Variants in NDC1 observed in about 807,000 individuals in gnomAD.
NDC1 encodes nucleoporin NDC1.
Under a neutral mutation model 89.8 loss-of-function variants are expected in NDC1, and 24 were observed. That is an observed-to-expected ratio of 0.27 (90% confidence interval 0.19 to 0.38). NDC1 has a LOEUF of 0.38. Ranked by LOEUF, NDC1 falls within the 10% of genes least tolerant of loss-of-function variation. The probability of loss-of-function intolerance (pLI) is 1.00; values close to 1 mark genes in which losing one functional copy is unlikely to be tolerated. For missense variants in NDC1, 728 were observed against 797.6 expected (o/e 0.91, Z 1.05); for synonymous variants, 296 against 284.8 (o/e 1.04, Z -0.39).
chr1:53,819,879 T>C (rs1445773908), intron 5 of NDC1, among the ~76,000 whole-genome samples: 1 of 152,056 alleles, frequency 6.6e-6, no homozygotes, highest in Non-Finnish European at 1.5e-5. Flanking sequence ...TTGGCTTCCC[T>C]GGGCCACACT....
At chr1:53,806,841 A>C (rs1050514268) in intron 8 of NDC1, among the ~76,000 whole-genome samples, 13 of 152,258 alleles carry the variant, frequency 8.5e-5, no homozygotes, top group African/African-American at 3.1e-4. Context: ...TGGATGATAA[A>C]AACAATGTAA....
chr1:53,788,219 A>G (rs545175192), intron 15 of NDC1, among the ~76,000 whole-genome samples: 4 of 152,050 alleles, frequency 2.6e-5, no homozygotes, highest in Non-Finnish European at 5.9e-5. Flanking sequence ...GCATGAGCCC[A>G]GGAGTTTAAG....
intron 3 of NDC1, 93 bp from the exon 4 acceptor site, chr1:53,828,266 C>A: frequency 8.6e-7 from 1 of 1,165,872 alleles, no homozygotes; most frequent in African/African-American, 1.5e-5. Flanking sequence ...CACAAATGTT[C>A]CAAAGGCAGA....
chr1:53,771,455 A>G, intron 17 of NDC1, among the ~76,000 whole-genome samples: 1 of 152,202 alleles, frequency 6.6e-6, no homozygotes, highest in Non-Finnish European at 1.5e-5. Flanking sequence ...ATGAAAAAAC[A>G]TTAAGTTCTA....
chr1:53,829,191 CAAAGT>C (rs1213077139), intron 3 of NDC1, among the ~76,000 whole-genome samples: 1 of 152,086 alleles, frequency 6.6e-6, no homozygotes, highest in South Asian at 2.1e-4. Flanking sequence ...TTACTATACT[CAAAGT>C]AAAGAGATGG....
intron 5 of NDC1, among the ~76,000 whole-genome samples, chr1:53,821,786 T>C (rs1648676877): frequency 6.6e-6 from 1 of 152,224 alleles, no homozygotes; most frequent in Admixed American, 6.5e-5. Flanking sequence ...ATTTCTTCTG[T>C]GATGTAGCTA....
chr1:53,823,561 C>T (rs1316122928), intron 5 of NDC1, among the ~76,000 whole-genome samples: 1 of 152,212 alleles, frequency 6.6e-6, no homozygotes, highest in East Asian at 1.9e-4. Context: ...GTGTTAAATA[C>T]ATGGTCACTT....
rs537013979 is a variant in NDC1, at chr1:53,825,078, G to A, written c.594+720C>T. Among the ~76,000 whole-genome samples, 9 of 152,286 alleles carry A rather than the reference G, an allele frequency of 5.9e-5. 1 individual carries two copies. Among genetic ancestry groups the A allele is most frequent in the African/African-American group, 1.9e-4 (8 of 41,566 alleles). Reference sequence around the variant, plus strand: ...AGTCCCAGATACTCGGGCAGACTGAGGTGGGAGGATGGCTTGAGCCAGCAG... The same window carrying A: ...AGTCCCAGATACTCGGGCAGACTGAAGTGGGAGGATGGCTTGAGCCAGCAG... On this transcript the variant is annotated intron_variant, in intron 5 of 17. Coordinates refer to ENST00000371429, the MANE Select transcript of NDC1 (RefSeq NM_018087.5).
intron 5 of NDC1, among the ~76,000 whole-genome samples, chr1:53,821,657 T>C (rs1648673632): frequency 6.6e-6 from 1 of 152,152 alleles, no homozygotes; most frequent in African/African-American, 2.4e-5. Flanking sequence ...ACCTCAACCA[T>C]TCTTCACAAA....
chr1:53,838,081 C>T (rs986037906), intron 1 of NDC1, 124 bp downstream of exon 1: 112 of 852,224 alleles, frequency 1.3e-4, no homozygotes, highest in Non-Finnish European at 1.8e-4. Context: ...GTGGTGCCTT[C>T]CCCACGCGTT....
At chr1:53,810,451 A>G (rs1400833305) in intron 6 of NDC1, among the ~76,000 whole-genome samples, 1 of 152,212 alleles carries the variant, frequency 6.6e-6, no homozygotes, top group Non-Finnish European at 1.5e-5. Flanking sequence ...AAAGTGCAAC[A>G]AAGAAATGAA....
At chr1:53,778,388 C>G (rs896935642) in intron 16 of NDC1, among the ~76,000 whole-genome samples, 10 of 151,948 alleles carry the variant, frequency 6.6e-5, no homozygotes, top group Non-Finnish European at 1.2e-4. Flanking sequence ...CTATTTGTAG[C>G]AAGTCAAACT....
At chr1:53,788,044 T>C (rs1570172585) in intron 15 of NDC1, among the ~76,000 whole-genome samples, 1 of 152,120 alleles carries the variant, frequency 6.6e-6, no homozygotes, top group South Asian at 2.1e-4. Flanking sequence ...AAACAATCTA[T>C]CTGTTGCACT....
intron 10 of NDC1, among the ~76,000 whole-genome samples, chr1:53,801,320 A>T (rs1255303421): frequency 2.0e-5 from 3 of 152,158 alleles, no homozygotes; most frequent in Admixed American, 6.5e-5. Flanking sequence ...GGGCTTCCTT[A>T]CATTTTCATG....
At chr1:53,807,089 C>A (rs932201390) in intron 8 of NDC1, among the ~76,000 whole-genome samples, 1 of 150,132 alleles carries the variant, frequency 6.7e-6, no homozygotes, top group Non-Finnish European at 1.5e-5. Context: ...TACTAAAATT[C>A]AAAAAAAATT....
At chr1:53,774,750 G>C (rs1347826146) in intron 16 of NDC1, among the ~76,000 whole-genome samples, 2 of 152,058 alleles carry the variant, frequency 1.3e-5, no homozygotes, top group East Asian at 3.9e-4. Context: ...TTAGCTGGAT[G>C]TGGTCCAATA....
At chr1:53,836,652 C>T (rs1285599816) in intron 1 of NDC1, among the ~76,000 whole-genome samples, 1 of 151,972 alleles carries the variant, frequency 6.6e-6, no homozygotes, top group African/African-American at 2.4e-5. Context: ...CCCGCCACCA[C>T]ACCTGACTAA....
chr1:53,806,470 C>T lies in NDC1; in HGVS notation c.939G>A (p.Glu313=). 3.9e-6 allele frequency: 6 copies of T among 1,530,972 alleles called. No individual in the cohort carries two copies. The highest frequency in any genetic ancestry group is 4.4e-6 in the Non-Finnish European group (5 of 1,145,968). 94.8% of individuals were successfully genotyped at this position (1,530,972 alleles called of 1,614,324 possible). ...VQPPFAEGSD[E]CLPKVLNSNP... ...TGCTATTTAACACTTTTGGAAGGCA[C>T]TCATCTGACCCTTCTGCAAATGGTG... Residue 313 remains glutamate (E), a synonymous_variant, in exon 9 of 18, where the codon GAG becomes GAA. Transcript: ENST00000371429.
chr1:53,831,414 C>T (rs1649062865), intron 3 of NDC1, among the ~76,000 whole-genome samples: 1 of 151,684 alleles, frequency 6.6e-6, no homozygotes, highest in African/African-American at 2.4e-5. Flanking sequence ...TGCAGTGGCT[C>T]ACGCCTGTAA....
Sources: gnomAD v4.1 joint callset for allele counts (sites outside exome capture counted in the v4.1 genomes callset) on GRCh38, gnomAD v4.1.1 for gene constraint, MANE v1.5 for transcripts, NCBI Gene and HGNC (gene_info 2026-07-23, HGNC 2026-07-21) for gene names.